Variants in XKR6 observed in about 807,000 individuals in gnomAD.
XKR6 encodes the protein XK-related protein 6.
Under a neutral mutation model 56.7 loss-of-function variants are expected in XKR6, and 22 were observed. The observed-to-expected ratio is 0.39, with a 90% CI of 0.28 to 0.55. XKR6 has a LOEUF of 0.55. XKR6 is among the 20% of genes least tolerant of loss of function. XKR6 has a pLI of 0.66. For synonymous variants in XKR6, 524 were observed against 387.8 expected (o/e 1.35, Z -4.13); for missense variants, 852 against 889.0 (o/e 0.96, Z 0.53).
At chr8:11,120,261 T>C (rs1006184552) in intron 1 of XKR6, among the ~76,000 whole-genome samples, 15 of 152,188 alleles carry the variant, frequency 9.9e-5, no homozygotes, top group Non-Finnish European at 1.6e-4. Context: ...TGTTTGCAGA[T>C]GACATGATTG....
intron 1 of XKR6, among the ~76,000 whole-genome samples, chr8:11,159,942 C>A (rs1489361889): frequency 1.3e-5 from 2 of 152,156 alleles, no homozygotes; most frequent in African/African-American, 4.8e-5. Flanking sequence ...AGCAGATCCA[C>A]CACGCTGGGT....
chr8:10,928,485 C>T (rs1375549036), intron 1 of XKR6, among the ~76,000 whole-genome samples: 2 of 152,250 alleles, frequency 1.3e-5, no homozygotes, highest in Non-Finnish European at 2.9e-5. Flanking sequence ...TGCTCTCCCT[C>T]GGGATCTCAG....
intron 1 of XKR6, among the ~76,000 whole-genome samples, chr8:11,064,930 A>G (rs920437200): frequency 6.6e-6 from 1 of 152,230 alleles, no homozygotes; most frequent in African/African-American, 2.4e-5. Flanking sequence ...AATGGTTAAA[A>G]CTAGAAAGCA....
chr8:11,080,531 T>G (rs1224682071), intron 1 of XKR6, among the ~76,000 whole-genome samples: 1 of 152,246 alleles, frequency 6.6e-6, no homozygotes, highest in Non-Finnish European at 1.5e-5. Context: ...AGATGTAAAG[T>G]CAACACTTGC....
chr8:11,116,577 G>C (rs890455964), intron 1 of XKR6, among the ~76,000 whole-genome samples: 20 of 152,070 alleles, frequency 1.3e-4, no homozygotes, highest in African/African-American at 4.8e-4. Flanking sequence ...CTCCATGTTG[G>C]CCAGGCTGGT....
At chr8:11,171,944 T>C (rs921657777) in intron 1 of XKR6, among the ~76,000 whole-genome samples, 2 of 151,780 alleles carry the variant, frequency 1.3e-5, no homozygotes, top group Non-Finnish European at 2.9e-5. Context: ...TCCCTGCTAC[T>C]CAGGAGGCTG....
chr8:11,173,392 T>TATATACATATATATATAC (rs1019074982), intron 1 of XKR6, among the ~76,000 whole-genome samples: 23 of 149,528 alleles, frequency 1.5e-4, no homozygotes, highest in African/African-American at 4.2e-4. Flanking sequence ...CACACAAATA[T>TATATACATATATATATAC]ATATACATAT....
intron 1 of XKR6, among the ~76,000 whole-genome samples, chr8:11,003,689 T>A (rs1281992531): frequency 2.0e-5 from 3 of 152,222 alleles, no homozygotes; most frequent in Non-Finnish European, 4.4e-5. Flanking sequence ...CTGTAAGAAC[T>A]GGGATTCTGG....
chr8:11,003,283 T>A (rs1446899194), intron 1 of XKR6, among the ~76,000 whole-genome samples: 2 of 152,096 alleles, frequency 1.3e-5, no homozygotes, highest in Admixed American at 6.6e-5. Flanking sequence ...AACACCATCA[T>A]CATCACCACC....
chr8:10,913,086 C>CTA (rs1393811677), intron 2 of XKR6, among the ~76,000 whole-genome samples: 7 of 147,286 alleles, frequency 4.8e-5, no homozygotes, highest in Non-Finnish European at 7.5e-5. Context: ...GTGAGTATAT[C>CTA]TATATATAGA....
intron 1 of XKR6, among the ~76,000 whole-genome samples, chr8:11,194,019 A>G (rs7013344): frequency 0.013 from 1,951 of 152,288 alleles, 54 homozygotes; most frequent in African/African-American, 0.045. Context: ...GTCCCTATAC[A>G]TAGGTGACAC....
At chr8:11,017,005 A>G (rs1029702267) in intron 1 of XKR6, among the ~76,000 whole-genome samples, 5 of 152,366 alleles carry the variant, frequency 3.3e-5, no homozygotes, top group Middle Eastern at 3.4e-3. Flanking sequence ...ATAAGATGAA[A>G]GATGTAGATG....
intron 1 of XKR6, among the ~76,000 whole-genome samples, chr8:11,046,419 G>A (rs1026081548): frequency 2.0e-5 from 3 of 151,932 alleles, no homozygotes; most frequent in African/African-American, 7.3e-5. Context: ...AAAAGAAAAG[G>A]AAAGAGAGTA....
intron 1 of XKR6, among the ~76,000 whole-genome samples, chr8:11,004,341 G>A (rs868603504): frequency 3.9e-5 from 6 of 152,024 alleles, no homozygotes; most frequent in Non-Finnish European, 4.4e-5. Flanking sequence ...GCATGTTGGC[G>A]CACACCTGCA....
intron 1 of XKR6, among the ~76,000 whole-genome samples, chr8:11,053,947 A>G (rs1349131472): frequency 6.6e-6 from 1 of 152,208 alleles, no homozygotes. Flanking sequence ...TGGAGGGAAC[A>G]TGGGAAAATG....
At position 11,061,182 on chromosome 8, in the gene XKR6, G is replaced by A. The variant is rs566342385; in HGVS notation, c.765-136352C>T. 2.0e-4 allele frequency among the ~76,000 whole-genome samples: 30 copies of A among 152,302 alleles called. No individual in the cohort carries two copies. In the South Asian group the frequency reaches 5.6e-3, roughly 28 times the overall value. On this transcript the variant is annotated intron_variant, in intron 1 of 2. Coordinates refer to ENST00000416569, the MANE Select transcript of XKR6 (RefSeq NM_173683.4). ...AGTGCTGTTTTCAAAATTCTGAATC[G>A]GCTGGGTGTGGTGGCTCACACCTGT...
intron 1 of XKR6, among the ~76,000 whole-genome samples, chr8:11,148,586 A>G (rs988712226): frequency 6.6e-6 from 1 of 152,248 alleles, no homozygotes; most frequent in Non-Finnish European, 1.5e-5. Context: ...TGTGAATATA[A>G]AATGGTTCAA....
At chr8:10,902,951 T>C (rs566066955) in intron 2 of XKR6, among the ~76,000 whole-genome samples, 2 of 152,330 alleles carry the variant, frequency 1.3e-5, no homozygotes, top group South Asian at 2.1e-4. Context: ...GGCACATTTT[T>C]TGGGACCGGA....
At chr8:10,903,084 G>C (rs1800085881) in intron 2 of XKR6, among the ~76,000 whole-genome samples, 1 of 152,120 alleles carries the variant, frequency 6.6e-6, no homozygotes, top group African/African-American at 2.4e-5. Context: ...CCCTTGCCCT[G>C]GTGGGACTCA....
Sources: gnomAD v4.1 joint callset for allele counts (sites outside exome capture counted in the v4.1 genomes callset) on GRCh38, gnomAD v4.1.1 for gene constraint, MANE v1.5 for transcripts, NCBI Gene and HGNC (gene_info 2026-07-23, HGNC 2026-07-21) for gene names.